Variants in PRLR observed in about 807,000 individuals in gnomAD.
PRLR encodes the protein hPRL receptor.
A neutral mutation model predicts 40.2 loss-of-function variants in PRLR; 13 were observed. That is an observed-to-expected ratio of 0.32 (90% CI 0.21 to 0.51). PRLR has a LOEUF of 0.51. Among genes scored for constraint, PRLR ranks in the 20% least tolerant of loss-of-function variants. PRLR has a pLI of 0.97. For missense variants in PRLR, 656 were observed against 747.3 expected (o/e 0.88, Z 1.42); for synonymous variants, 269 against 278.7 (o/e 0.97, Z 0.35).
At chr5:35,223,670 G>A (rs960798431) in intron 1 of PRLR, among the ~76,000 whole-genome samples, 1 of 152,182 alleles carries the variant, frequency 6.6e-6, no homozygotes, top group Admixed American at 6.5e-5. Context: ...TGGGCATGCT[G>A]CCCTCCAGAA....
At chr5:35,158,269 G>A (rs546734687) in intron 1 of PRLR, among the ~76,000 whole-genome samples, 37 of 152,300 alleles carry the variant, frequency 2.4e-4, no homozygotes, top group African/African-American at 8.4e-4. Context: ...GACCATGTGT[G>A]TATTGAGAGC....
chr5:35,072,291 T>A (rs1036417926), intron 6 of PRLR, among the ~76,000 whole-genome samples: 1 of 152,146 alleles, frequency 6.6e-6, no homozygotes, highest in Non-Finnish European at 1.5e-5. Context: ...GCCATTTAAG[T>A]ACTCTTACAA....
chr5:35,135,779 G>C (rs990486527), intron 1 of PRLR, among the ~76,000 whole-genome samples: 1 of 152,208 alleles, frequency 6.6e-6, no homozygotes, highest in Non-Finnish European at 1.5e-5. Flanking sequence ...GAGGGAGCCT[G>C]CCTTGGGCAG....
At chr5:35,216,211 A>G (rs1255326472) in intron 1 of PRLR, among the ~76,000 whole-genome samples, 7 of 152,180 alleles carry the variant, frequency 4.6e-5, no homozygotes, top group African/African-American at 1.7e-4. Flanking sequence ...CAGGCTCTCA[A>G]AATGTTTCCC....
chr5:35,119,604 T>G (rs1773208919), intron 1 of PRLR, among the ~76,000 whole-genome samples: 1 of 152,200 alleles, frequency 6.6e-6, no homozygotes, highest in South Asian at 2.1e-4. Context: ...TAGGAGCCAC[T>G]CATTTTTCTC....
chr5:35,184,053 C>T (rs1283702680), intron 1 of PRLR, among the ~76,000 whole-genome samples: 1 of 152,132 alleles, frequency 6.6e-6, no homozygotes, highest in Non-Finnish European at 1.5e-5. Context: ...AGAAAGTTTG[C>T]CCTTACCTAT....
chr5:35,143,245 G>A lies in PRLR; in HGVS notation c.-105-25123C>T, dbSNP rs191336121. Among the ~76,000 whole-genome samples, 14 of 152,268 alleles carry A rather than the reference G, an allele frequency of 9.2e-5. No individual in the cohort carries two copies. The East Asian group carries it at 2.3e-3, about 25-fold the overall frequency. On this transcript the variant is annotated intron_variant, in intron 1 of 9. Transcript: ENST00000618457. ...AACTCTGCTATTGCAGTATGAAGAC[G>A]ACTATAGGAAATATGTTAAAGAATA...
At chr5:35,102,440 T>C (rs1771942520) in intron 2 of PRLR, among the ~76,000 whole-genome samples, 1 of 151,896 alleles carries the variant, frequency 6.6e-6, no homozygotes, top group African/African-American at 2.4e-5. Flanking sequence ...TTTTCTTTTC[T>C]TTGCTTTTCT....
intron 1 of PRLR, among the ~76,000 whole-genome samples, chr5:35,125,302 G>A (rs1478684971): frequency 6.6e-6 from 1 of 152,156 alleles, no homozygotes; most frequent in Non-Finnish European, 1.5e-5. Context: ...GGGATGAGGT[G>A]GCCACCAGCA....
In PRLR at chr5:35,059,134, C is replaced by T. The variant is rs1001072158; in HGVS notation, c.*5955G>A. On this transcript the variant is annotated 3_prime_UTR_variant, in exon 10 of 10. Coordinates refer to ENST00000618457, the MANE Select transcript of PRLR (RefSeq NM_000949.7). Reference sequence around the variant, plus strand: ...TTTATCCAAGTGAAGCGTAATTTGACCATAACTATTAAAGGTTATTTTTTA... The same window carrying T: ...TTTATCCAAGTGAAGCGTAATTTGATCATAACTATTAAAGGTTATTTTTTA... 6.6e-6 allele frequency: 1 copy of T among 152,114 alleles called. No individual in the cohort carries two copies. The highest frequency in any genetic ancestry group is 1.5e-5 in the Non-Finnish European group (1 of 68,030). 9.4% of individuals were successfully genotyped at this position (152,114 alleles called of 1,614,324 possible). A position where few individuals can be genotyped will look rare whatever the true frequency, so the allele number is the denominator to read the frequency against.
At chr5:35,229,643 G>A (rs1776644604) in intron 1 of PRLR, among the ~76,000 whole-genome samples, 2 of 152,034 alleles carry the variant, frequency 1.3e-5, no homozygotes, top group Non-Finnish European at 2.9e-5. Context: ...CCTCCGTCCA[G>A]CTCCGGCTTC....
chr5:35,129,662 G>C (rs986652941), intron 1 of PRLR, among the ~76,000 whole-genome samples: 2 of 142,478 alleles, frequency 1.4e-5, no homozygotes, highest in African/African-American at 6.1e-5. Flanking sequence ...TTTAAGCACT[G>C]TAATCAATTT....
At chr5:35,163,447 A>G (rs1173943588) in intron 1 of PRLR, among the ~76,000 whole-genome samples, 2 of 152,186 alleles carry the variant, frequency 1.3e-5, no homozygotes, top group African/African-American at 4.8e-5. Flanking sequence ...ATGCCATTTC[A>G]TGAGGAGCAG....
At chr5:35,126,708 C>T (rs748238837) in intron 1 of PRLR, among the ~76,000 whole-genome samples, 7 of 152,148 alleles carry the variant, frequency 4.6e-5, no homozygotes, top group Non-Finnish European at 8.8e-5. Context: ...ATATCTATTG[C>T]TACCTTTTGC....
chr5:35,060,367 T>G lies in PRLR; in HGVS notation c.*4722A>C, dbSNP rs1768961487. 1 of 152,072 alleles carries G rather than the reference T, an allele frequency of 6.6e-6. No individual in the cohort carries two copies. The highest frequency in any genetic ancestry group is 2.4e-5 in the African/African-American group (1 of 41,410). 9.4% of individuals were successfully genotyped at this position (152,072 alleles called of 1,614,324 possible). ...AGCAAGGATGTTAAATCAATCTGAG[T>G]TGGAGGAACAGATCTCTGTTTTTCT... On this transcript the variant is annotated 3_prime_UTR_variant, in exon 10 of 10. Transcript: ENST00000618457.
chr5:35,069,241 G>C (rs1171824174), intron 7 of PRLR, among the ~76,000 whole-genome samples: 1 of 151,986 alleles, frequency 6.6e-6, no homozygotes, highest in African/African-American at 2.4e-5. Flanking sequence ...TGCCTACATT[G>C]CTTTGTTATA....
At chr5:35,130,711 G>A (rs948025225) in intron 1 of PRLR, among the ~76,000 whole-genome samples, 6 of 152,166 alleles carry the variant, frequency 3.9e-5, no homozygotes, top group Non-Finnish European at 7.4e-5. Context: ...CGAAAGAGAC[G>A]CTGAAGTCCT....
At chr5:35,125,901 T>G (rs1314603137) in intron 1 of PRLR, among the ~76,000 whole-genome samples, 1 of 152,248 alleles carries the variant, frequency 6.6e-6, no homozygotes, top group Non-Finnish European at 1.5e-5. Flanking sequence ...AAATGCCATT[T>G]GTCCTTGACC....
intron 1 of PRLR, among the ~76,000 whole-genome samples, chr5:35,119,621 G>T (rs980137072): frequency 6.6e-6 from 1 of 152,080 alleles, no homozygotes; most frequent in African/African-American, 2.4e-5. Flanking sequence ...TCTCCATAGG[G>T]TGCAGTGACA....
Sources: allele counts gnomAD v4.1 joint callset (sites outside exome capture counted in the v4.1 genomes callset), GRCh38; gene constraint gnomAD v4.1.1; transcripts MANE v1.5; gene names NCBI Gene and HGNC (gene_info 2026-07-23, HGNC 2026-07-21).